Variants in IPO11 observed in about 807,000 individuals in gnomAD.
The protein encoded by IPO11 is importin-11.
A neutral mutation model predicts 143.2 loss-of-function variants in IPO11; 66 were observed. The observed-to-expected ratio is 0.46, with a 90% CI of 0.38 to 0.57. IPO11 has a LOEUF of 0.57. Among genes scored for constraint, IPO11 ranks in the 20% least tolerant of loss-of-function variants. The probability of loss-of-function intolerance (pLI) is 0.00; values close to 1 mark genes in which losing one functional copy is unlikely to be tolerated. For synonymous variants in IPO11, 385 were observed against 377.8 expected (o/e 1.02, Z -0.22); for missense variants, 1,026 against 1,141.0 (o/e 0.90, Z 1.45).
At chr5:62,456,608 G>A (rs991287938) in intron 5 of IPO11, among the ~76,000 whole-genome samples, 1 of 152,172 alleles carries the variant, frequency 6.6e-6, no homozygotes, top group Non-Finnish European at 1.5e-5. Context: ...AGGCACGTAC[G>A]ACGATGCCCG....
intron 16 of IPO11, among the ~76,000 whole-genome samples, chr5:62,495,384 G>T (rs1741098342): frequency 6.6e-6 from 1 of 152,176 alleles, no homozygotes; most frequent in Non-Finnish European, 1.5e-5. Context: ...TCAAAGAGAA[G>T]ATATTAAATG....
At chr5:62,515,960 G>A (rs1157088190) in intron 20 of IPO11, among the ~76,000 whole-genome samples, 3 of 152,184 alleles carry the variant, frequency 2.0e-5, no homozygotes, top group African/African-American at 4.8e-5. Context: ...TGAGGTGTTG[G>A]GATGTGGTAG....
intron 3 of IPO11, 163 bp from the exon 4 acceptor site, chr5:62,449,764 G>A (rs2112158130): frequency 2.1e-6 from 1 of 468,712 alleles, no homozygotes. Context: ...AAAGTTCACA[G>A]TAGTGCCAAT....
chr5:62,427,521 C>A (rs1217114249), intron 1 of IPO11, among the ~76,000 whole-genome samples: 1 of 152,150 alleles, frequency 6.6e-6, no homozygotes, highest in African/African-American at 2.4e-5. Flanking sequence ...AGGAACTGGG[C>A]CACACTGCAG....
chr5:62,443,871 A>G (rs145791622), intron 3 of IPO11, among the ~76,000 whole-genome samples: 2 of 152,332 alleles, frequency 1.3e-5, no homozygotes, highest in African/African-American at 4.8e-5. Context: ...TTTGTTTGAT[A>G]GAAAATATGG....
chr5:62,488,005 T>C (rs1374060381), intron 13 of IPO11, 144 bp downstream of exon 13: 2 of 666,156 alleles, frequency 3.0e-6, no homozygotes, highest in Non-Finnish European at 4.7e-6. Context: ...TAAAACTTAT[T>C]ATCTTCCAAG....
chr5:62,579,385 CCT>C, intron 27 of IPO11: 1 of 1,498,862 alleles, frequency 6.7e-7, no homozygotes, highest in African/African-American at 1.4e-5. Flanking sequence ...TAAAGCTTTA[CCT>C]TCTCTTTTTA....
chr5:62,539,440 TCTTAC>T (rs777165707), intron 24 of IPO11, among the ~76,000 whole-genome samples: 44 of 152,242 alleles, frequency 2.9e-4, no homozygotes, highest in Non-Finnish European at 2.2e-4. Flanking sequence ...AATATCTTCA[TCTTAC>T]CTTGATTACA....
At chr5:62,537,764 T>G (rs1742784754) in intron 24 of IPO11, among the ~76,000 whole-genome samples, 1 of 152,154 alleles carries the variant, frequency 6.6e-6, no homozygotes, top group Admixed American at 6.5e-5. Context: ...AATTATGAAC[T>G]AACAGTCTCT....
Position 62,551,236 on chromosome 5 carries a change from T to C in IPO11, c.2360T>C (p.Val787Ala), listed in dbSNP as rs781208947. 6.3e-7 allele frequency: 1 copy of C among 1,598,464 alleles called. No homozygotes were observed. The highest frequency in any genetic ancestry group is 8.6e-7 in the Non-Finnish European group (1 of 1,167,086). ...TTAATTGTACAGAGGTATCCTGTAG[T>C]GATGTCCACGTATCTTGGAGTTATG... Reference protein sequence around the residue: ...GIIEGERYPVVMSTYLGVMGR... With the variant: ...GIIEGERYPVAMSTYLGVMGR... The change falls in exon 26 of 30, where the codon GTG becomes GCG. Residue 787 changes from valine to alanine, a missense_variant. Around this residue, in one of 5 missense-constraint regions of IPO11, gnomAD observed 351 missense variants for 358.9 expected, o/e 0.98. Coordinates refer to ENST00000325324, the MANE Select transcript of IPO11 (RefSeq NM_016338.5).
At chr5:62,586,214 TGTTA>T (rs1187376937) in intron 27 of IPO11, among the ~76,000 whole-genome samples, 1 of 152,204 alleles carries the variant, frequency 6.6e-6, no homozygotes, top group African/African-American at 2.4e-5. Context: ...TATATGAAGT[TGTTA>T]GTTTAATTAC....
chr5:62,468,875 A>G (rs760056878), intron 6 of IPO11, among the ~76,000 whole-genome samples: 19 of 152,160 alleles, frequency 1.2e-4, no homozygotes, highest in Non-Finnish European at 2.8e-4. Context: ...CCAAACTACA[A>G]TTTTTGTTTT....
chr5:62,598,610 T>A (rs1166106428), intron 28 of IPO11, among the ~76,000 whole-genome samples: 1 of 144,544 alleles, frequency 6.9e-6, no homozygotes. Context: ...AGTGGTGTGA[T>A]CTCGGCTCAT....
At chr5:62,485,497 A>G in intron 12 of IPO11, 35 bp downstream of exon 12, 2 of 1,489,222 alleles carry the variant, frequency 1.3e-6, no homozygotes, top group Non-Finnish European at 1.9e-6. Context: ...TGATAGGGGA[A>G]AGCTTAATCT....
intron 1 of IPO11, among the ~76,000 whole-genome samples, chr5:62,429,587 C>CGTGTGTGTGTGTGT (rs56185914): frequency 4.5e-4 from 58 of 128,578 alleles, no homozygotes; most frequent in African/African-American, 1.5e-3. Flanking sequence ...GTCTGATTTT[C>CGTGTGTGTGTGTGT]GTGTGTGTGT....
chr5:62,515,271 C>A, intron 19 of IPO11, 117 bp from the exon 20 acceptor site: 1 of 563,646 alleles, frequency 1.8e-6, no homozygotes. Flanking sequence ...TACATTACAT[C>A]TAATAAATAT....
At chr5:62,581,036 CT>C in intron 27 of IPO11, 1 of 1,550,908 alleles carries the variant, frequency 6.4e-7, no homozygotes, top group South Asian at 1.2e-5. Flanking sequence ...ATTTTGCTAG[CT>C]TTTTTCATCT....
At chr5:62,567,546 C>A in intron 27 of IPO11, among the ~76,000 whole-genome samples, 1 of 120,246 alleles carries the variant, frequency 8.3e-6, no homozygotes, top group East Asian at 2.2e-4. Flanking sequence ...AGGTCAATGA[C>A]TCTTACATTT....
intron 28 of IPO11, among the ~76,000 whole-genome samples, chr5:62,598,388 C>CTT (rs1745311442): frequency 3.2e-4 from 1 of 3,170 alleles, no homozygotes; most frequent in Non-Finnish European, 5.3e-4. Flanking sequence ...TGCTTGCTTG[C>CTT]TTGCTTTCTT....
Sources: allele counts gnomAD v4.1 joint callset (sites outside exome capture counted in the v4.1 genomes callset), GRCh38; gene constraint gnomAD v4.1.1; regional missense constraint gnomAD v4.1.1; transcripts MANE v1.5; gene names NCBI Gene and HGNC (gene_info 2026-07-23, HGNC 2026-07-21).